PPP2R2C: variants seen among roughly 807,000 people sequenced by gnomAD.
PPP2R2C encodes protein phosphatase 2 regulatory subunit Bgamma.
PPP2R2C carries 10 observed loss-of-function variants against 45.3 expected under a neutral mutation model. The observed-to-expected ratio is 0.22, with a 90% CI of 0.14 to 0.37. PPP2R2C has a LOEUF of 0.37. Among genes scored for constraint, PPP2R2C ranks in the 10% least tolerant of loss-of-function variants. The pLI, the probability that PPP2R2C is intolerant of heterozygous loss-of-function variation, is 1.00. For missense variants in PPP2R2C, 308 were observed against 619.7 expected, an observed-to-expected ratio of 0.50 and a Z score of 5.34; for synonymous variants, 257 against 245.4, an observed-to-expected ratio of 1.05 and a Z score of -0.44.
chr4:6,347,683 C>T (rs189320268), intron 6 of PPP2R2C, among the ~76,000 whole-genome samples, 163 bp downstream of exon 6: 11 of 152,228 alleles, frequency 7.2e-5, no homozygotes, highest in African/African-American at 1.4e-4. Flanking sequence ...CCAGGCTCCC[C>T]GACCAGCCAG....
Position 6,347,859 on chromosome 4 carries a change from G to T in PPP2R2C, c.777C>A (p.Asp259Glu). The T allele has an allele frequency of 6.2e-7, 1 of 1,604,990 alleles. No individual in the cohort carries two copies. Reference protein sequence around the residue: ...LCDMRAAALCDKHSKLFEEPE... With the variant: ...LCDMRAAALCEKHSKLFEEPE... Reference sequence around the variant, plus strand: ...ACCGGCACTTACGCTTGGAATGCTTGTCACACAGGGCAGCTGCCCGCATGT... The same window carrying T: ...ACCGGCACTTACGCTTGGAATGCTTTTCACACAGGGCAGCTGCCCGCATGT... Residue 259 changes from aspartate (D) to glutamate (E), a missense_variant, in exon 6 of 9, where the codon GAC (aspartate) becomes GAA (glutamate). Physicochemically the swap from Asp to Glu is conservative, Grantham distance 45 (BLOSUM62 2). Transcript: ENST00000382599.
rs1372995825 is a variant in PPP2R2C at position 6,328,895 on chromosome 4, C to T, written c.1052+367G>A. On this transcript the variant is annotated intron_variant, in intron 8 of 8. Transcript: ENST00000382599. This position sits in a 1 kb window ranked among gnomAD's most constrained non-coding sequence, Gnocchi z 4.4. ...GGGTGCAGGGCTGTCTCAGGACATA[C>T]AGGTGTGGATGGATGATGGTGACCG... 2.6e-5 allele frequency among the ~76,000 whole-genome samples: 4 copies of T among 152,150 alleles called. No homozygotes were observed. The highest frequency in any genetic ancestry group is 1.3e-4 in the Admixed American group (2 of 15,280).
chr4:6,514,922 ATC>A (rs1229593204), intron 2 of PPP2R2C, among the ~76,000 whole-genome samples: 3 of 151,772 alleles, frequency 2.0e-5, no homozygotes, highest in Admixed American at 1.3e-4. Flanking sequence ...CATCACTACA[ATC>A]TCTGTCTCTA....
chr4:6,455,816 C>A (rs555463960), intron 1 of PPP2R2C, among the ~76,000 whole-genome samples: 4 of 152,186 alleles, frequency 2.6e-5, no homozygotes, highest in African/African-American at 7.2e-5. Context: ...GTCCCTCCTG[C>A]CATGAATGTC....
chr4:6,343,745 C>T (rs1433726287), intron 6 of PPP2R2C, among the ~76,000 whole-genome samples: 2 of 152,062 alleles, frequency 1.3e-5, no homozygotes, highest in Admixed American at 1.3e-4. Context: ...CAAAAGGACA[C>T]CAAATAGATT....
rs967106423 is a variant in PPP2R2C at position 6,345,217 on chromosome 4, C to G, written c.790+2629G>C. Reference sequence around the variant, plus strand: ...GAGCAGGAAGAACCCCCTCTCTTCCCCAATATTCTCCCATTCCATTCGGAC... The same window carrying G: ...GAGCAGGAAGAACCCCCTCTCTTCCGCAATATTCTCCCATTCCATTCGGAC... On this transcript the variant is annotated intron_variant, in intron 6 of 8. Transcript: ENST00000382599. The surrounding 1 kb of genome is among the most constrained non-coding windows in gnomAD (Gnocchi z 5.3). 3.3e-5 allele frequency among the ~76,000 whole-genome samples: 5 copies of G among 152,152 alleles called. No homozygotes were observed. Among genetic ancestry groups the G allele is most frequent in the African/African-American group, 1.2e-4 (5 of 41,406 alleles).
intron 1 of PPP2R2C, among the ~76,000 whole-genome samples, chr4:6,465,516 C>A (rs1344206070): frequency 6.6e-6 from 1 of 152,040 alleles, no homozygotes; most frequent in Non-Finnish European, 1.5e-5. Flanking sequence ...TCGTGGGGCA[C>A]AGGGAAAAAT....
At chr4:6,512,199 G>T in intron 2 of PPP2R2C, among the ~76,000 whole-genome samples, 2 of 98,502 alleles carry the variant, frequency 2.0e-5, no homozygotes, top group Non-Finnish European at 2.1e-5. Flanking sequence ...TGGTGGTGGT[G>T]ATGGTGGTGG....
At chr4:6,533,385 G>C (rs971571378) in intron 2 of PPP2R2C, among the ~76,000 whole-genome samples, 1 of 152,166 alleles carries the variant, frequency 6.6e-6, no homozygotes, top group African/African-American at 2.4e-5. Flanking sequence ...TTCTCCAGCA[G>C]AGAAGAGAGT....
intron 6 of PPP2R2C, among the ~76,000 whole-genome samples, chr4:6,338,101 C>T (rs143743605): frequency 9.2e-5 from 14 of 152,208 alleles, no homozygotes; most frequent in African/African-American, 3.4e-4. Context: ...GGGGTCTCCC[C>T]TCTAATTGAC....
intron 1 of PPP2R2C, among the ~76,000 whole-genome samples, chr4:6,414,854 T>A (rs893995961): frequency 6.6e-6 from 1 of 152,148 alleles, no homozygotes; most frequent in Non-Finnish European, 1.5e-5. Flanking sequence ...AAAGCCCGGA[T>A]GAAAAGCCTT....
chr4:6,402,330 G>T (rs879301287), intron 1 of PPP2R2C, among the ~76,000 whole-genome samples: 1 of 152,134 alleles, frequency 6.6e-6, no homozygotes, highest in African/African-American at 2.4e-5. Context: ...TCCCCAAATC[G>T]AACAGTAGCT....
intron 2 of PPP2R2C, among the ~76,000 whole-genome samples, chr4:6,486,468 A>T (rs948171560): frequency 3.3e-5 from 5 of 152,084 alleles, no homozygotes; most frequent in Non-Finnish European, 7.4e-5. Flanking sequence ...TAGTAAGAGA[A>T]GGTTATTGAA....
chr4:6,545,438 A>T (rs1724946046), intron 1 of PPP2R2C, among the ~76,000 whole-genome samples: 1 of 152,216 alleles, frequency 6.6e-6, no homozygotes, highest in East Asian at 1.9e-4. Flanking sequence ...CTAATCACCA[A>T]AAATTACTGT....
chr4:6,377,892 G>A (rs1715462392), intron 3 of PPP2R2C, among the ~76,000 whole-genome samples: 1 of 152,154 alleles, frequency 6.6e-6, no homozygotes, highest in African/African-American at 2.4e-5. Context: ...TGAGGCAAGA[G>A]GATTAAGAGG....
intron 1 of PPP2R2C, among the ~76,000 whole-genome samples, chr4:6,407,589 C>T (rs1270468561): frequency 5.9e-5 from 9 of 152,010 alleles, no homozygotes; most frequent in African/African-American, 2.2e-4. Context: ...TTAGTAGAGA[C>T]GGGGTTTCAC....
At chr4:6,384,611 C>T (rs1469221280) in intron 1 of PPP2R2C, 14 of 985,240 alleles carry the variant, frequency 1.4e-5, no homozygotes, top group Non-Finnish European at 1.2e-6. Flanking sequence ...CATAACAATG[C>T]TATTAAATTA....
chr4:6,329,819 C>A lies in PPP2R2C; in HGVS notation c.961-466G>T, dbSNP rs914681210. The stretch of plus-strand genomic sequence containing the variant: ...ACCACCTGGGGTCCAGATCCTGGCT[C>A]TGCCCTCCCAGCTGTGTGATCTTGG... On this transcript the variant is annotated intron_variant, in intron 7 of 8. Coordinates refer to ENST00000382599, the MANE Select transcript of PPP2R2C (RefSeq NM_020416.4). The surrounding 1 kb of genome is among the most constrained non-coding windows in gnomAD (Gnocchi z 5.8). 6.6e-6 allele frequency among the ~76,000 whole-genome samples: 1 copy of A among 152,230 alleles called. No individual in the cohort carries two copies. Among genetic ancestry groups the A allele is most frequent in the African/African-American group, 2.4e-5 (1 of 41,464 alleles).
chr4:6,511,070 C>T (rs1204427461), intron 2 of PPP2R2C, among the ~76,000 whole-genome samples: 1 of 151,842 alleles, frequency 6.6e-6, no homozygotes, highest in East Asian at 1.9e-4. Context: ...GTCTCCAACA[C>T]TCACTAGCTG....
Sources: allele counts gnomAD v4.1 joint callset (sites outside exome capture counted in the v4.1 genomes callset), GRCh38; gene constraint gnomAD v4.1.1; non-coding constraint Gnocchi (gnomAD v3.1); transcripts MANE v1.5; gene names NCBI Gene and HGNC (gene_info 2026-07-23, HGNC 2026-07-21).